Variants in CFAP58 observed in about 807,000 individuals in gnomAD.
CFAP58 encodes the protein cilia and flagella associated protein 58, also known as cilia- and flagella-associated protein 58.
Under a neutral mutation model 119.5 loss-of-function variants are expected in CFAP58, and 88 were observed. The observed-to-expected ratio is 0.74, with a 90% CI of 0.62 to 0.88. CFAP58 has a LOEUF of 0.88. Ranked by LOEUF, CFAP58 falls within the 40% of genes least tolerant of loss-of-function variation. CFAP58 has a pLI of 0.00. For synonymous variants in CFAP58, 365 were observed against 366.3 expected (o/e 1.00, Z 0.04); for missense variants, 990 against 1,021.2 (o/e 0.97, Z 0.42).
intron 15 of CFAP58, among the ~76,000 whole-genome samples, chr10:104,416,255 A>T (rs1409245760): frequency 6.6e-6 from 1 of 152,178 alleles, no homozygotes; most frequent in East Asian, 1.9e-4. Flanking sequence ...GTGACACGGA[A>T]ATGGTTCAGG....
intron 15 of CFAP58, among the ~76,000 whole-genome samples, chr10:104,411,597 A>G (rs893358187): frequency 6.6e-6 from 1 of 151,886 alleles, no homozygotes; most frequent in Non-Finnish European, 1.5e-5. Context: ...ATGTCCATTC[A>G]TTTGTTTCTG....
the CFAP58 span, among the ~76,000 whole-genome samples, chr10:104,348,414 G>A: frequency 1.3e-5 from 2 of 152,148 alleles, no homozygotes; most frequent in African/African-American, 2.4e-5. Context: ...GTTACAGCAC[G>A]CACCTGAGAA....
intron 1 of CFAP58, among the ~76,000 whole-genome samples, chr10:104,357,794 T>TATATGTACACATATATATGTAC (rs2014564145): frequency 7.1e-6 from 1 of 140,834 alleles, no homozygotes; most frequent in African/African-American, 2.9e-5. Context: ...TTTATATACA[T>TATATGTACACATATATATGTAC]ATATATACAC....
intron 15 of CFAP58, among the ~76,000 whole-genome samples, chr10:104,422,769 T>G (rs751853604): frequency 6.6e-6 from 1 of 152,112 alleles, no homozygotes; most frequent in African/African-American, 2.4e-5. Context: ...ACTTTTTGGG[T>G]CTCCATTTGT....
At chr10:104,343,235 A>G in the CFAP58 span, among the ~76,000 whole-genome samples, 1 of 152,184 alleles carries the variant, frequency 6.6e-6, no homozygotes, top group Admixed American at 6.5e-5. Context: ...AAGACGAATG[A>G]TTTGCATTTG....
At chr10:104,439,191 T>C (rs960271389) in intron 15 of CFAP58, among the ~76,000 whole-genome samples, 1 of 152,242 alleles carries the variant, frequency 6.6e-6, no homozygotes, top group Non-Finnish European at 1.5e-5. Context: ...ACGCAGTAGC[T>C]TCCTGGTAAT....
rs572057430 is a variant in CFAP58, at chr10:104,447,788, A to G, written c.2347A>G (p.Thr783Ala). 2 of 1,613,872 alleles carry G rather than the reference A, an allele frequency of 1.2e-6. No individual in the cohort carries two copies. Among genetic ancestry groups the G allele is most frequent in the African/African-American group, 1.3e-5 (1 of 75,068 alleles). The stretch of plus-strand genomic sequence containing the variant: ...GGAACAGCTGAAGCTGTACCGACGC[A>G]CGCTGCATGACAAGAAGCAGCAGCT... The part of the protein sequence containing the change: ...AAEQLKLYRR[T>A]LHDKKQQLKV... Residue 783 changes from threonine to alanine, a missense_variant, in exon 16 of 18, where the codon ACG (threonine) becomes GCG (alanine). Coordinates refer to ENST00000369704, the MANE Select transcript of CFAP58 (RefSeq NM_001008723.2).
At chr10:104,352,098 A>G (rs1309314040), upstream of CFAP58, among the ~76,000 whole-genome samples, 1 of 152,254 alleles carries the variant, frequency 6.6e-6, no homozygotes, top group Non-Finnish European at 1.5e-5. Context: ...AGCTTACACT[A>G]CTTTCATCAT....
intron 15 of CFAP58, among the ~76,000 whole-genome samples, chr10:104,413,813 A>T (rs1375804044): frequency 6.6e-6 from 1 of 152,078 alleles, no homozygotes. Context: ...CATCATCAAG[A>T]TGGCATTTCT....
At chr10:104,378,717 T>A (rs1439797823) in intron 8 of CFAP58, among the ~76,000 whole-genome samples, 1 of 152,200 alleles carries the variant, frequency 6.6e-6, no homozygotes, top group African/African-American at 2.4e-5. Flanking sequence ...TCTACTGAGT[T>A]GCAAAAATCT....
At chr10:104,341,139 T>G in the CFAP58 span, among the ~76,000 whole-genome samples, 2 of 152,178 alleles carry the variant, frequency 1.3e-5, no homozygotes, top group Non-Finnish European at 2.9e-5. Flanking sequence ...GAAGCAAACG[T>G]AAAATTCGGT....
intron 14 of CFAP58, among the ~76,000 whole-genome samples, chr10:104,404,703 G>A (rs988974300): frequency 4.6e-5 from 7 of 151,896 alleles, no homozygotes; most frequent in Non-Finnish European, 7.4e-5. Context: ...TCTGCCTCCC[G>A]GGTTCACGCC....
At chr10:104,375,855 T>C (rs1201082285) in intron 7 of CFAP58, among the ~76,000 whole-genome samples, 1 of 152,190 alleles carries the variant, frequency 6.6e-6, no homozygotes, top group Non-Finnish European at 1.5e-5. Context: ...TGAGTTTATC[T>C]GAAGACCTGG....
At chr10:104,406,667 T>A (rs1313374686) in intron 14 of CFAP58, 22 bp from the exon 15 acceptor site, 23 of 1,595,882 alleles carry the variant, frequency 1.4e-5, no homozygotes, top group Non-Finnish European at 1.7e-5. Context: ...TCTCAGCTGC[T>A]ATTGTTGTTC....
At chr10:104,376,972 G>C (rs1367738737) in intron 8 of CFAP58, 79 bp downstream of exon 8, 1 of 1,154,100 alleles carries the variant, frequency 8.7e-7, no homozygotes, top group African/African-American at 1.6e-5. Flanking sequence ...AGTTGGATGG[G>C]AAAAGAAAAC....
rs118181319 is a variant in CFAP58 at position 104,412,027 on chromosome 10, G to T, written c.2256+5234G>T. ...GAGCTGCAATATATATCTATTCACT[G>T]TTCTAACATGCAGTTCAGGCTTTGA... is the stretch of plus-strand genomic sequence containing the variant. On this transcript the variant is annotated intron_variant, in intron 15 of 17. Coordinates refer to ENST00000369704, the MANE Select transcript of CFAP58 (RefSeq NM_001008723.2). Among the ~76,000 whole-genome samples, 6 of 152,196 alleles carry T rather than the reference G, an allele frequency of 3.9e-5. No homozygotes were observed. In the East Asian group the frequency reaches 9.6e-4, roughly 24 times the overall value.
intron 11 of CFAP58, among the ~76,000 whole-genome samples, chr10:104,398,278 A>G (rs117423252): frequency 0.013 from 2,016 of 152,314 alleles, 18 homozygotes; most frequent in Admixed American, 0.02. Context: ...TATCTTCTAT[A>G]TTTAATTTGG....
chr10:104,347,536 G>A, the CFAP58 span, among the ~76,000 whole-genome samples: 1 of 151,990 alleles, frequency 6.6e-6, no homozygotes, highest in African/African-American at 2.4e-5. Flanking sequence ...ACAGTCTGGA[G>A]GAAAAATATT....
chr10:104,437,689 T>C (rs957965707), intron 15 of CFAP58, among the ~76,000 whole-genome samples: 3 of 152,052 alleles, frequency 2.0e-5, no homozygotes, highest in Non-Finnish European at 2.9e-5. Flanking sequence ...CAAGTATAAG[T>C]ATAGGCACTT....
Sources: gnomAD v4.1 joint callset for allele counts (sites outside exome capture counted in the v4.1 genomes callset) on GRCh38, gnomAD v4.1.1 for gene constraint, MANE v1.5 for transcripts, NCBI Gene and HGNC (gene_info 2026-07-23, HGNC 2026-07-21) for gene names.